The following MBD5 variants were observed in gnomAD, a reference collection of about 807,000 sequenced individuals.
MBD5 encodes the protein methyl-CpG binding domain protein 5.
In MBD5, 13 loss-of-function variants were observed where a neutral mutation model predicts 117.3. The observed-to-expected ratio is 0.11, with a 90% CI of 0.07 to 0.18. The LOEUF (loss-of-function observed/expected upper bound fraction) is 0.18. Among genes scored for constraint, MBD5 ranks in the 10% least tolerant of loss-of-function variants. The probability of loss-of-function intolerance (pLI) is 1.00; values close to 1 mark genes in which losing one functional copy is unlikely to be tolerated. For synonymous variants in MBD5, 727 were observed against 766.4 expected (o/e 0.95, Z 0.85); for missense variants, 1,879 against 2,093.8 (o/e 0.90, Z 2.00).
At chr2:148,117,505 T>C (rs1696668842) in intron 1 of MBD5, among the ~76,000 whole-genome samples, 1 of 152,184 alleles carries the variant, frequency 6.6e-6, no homozygotes. Context: ...TGCATAGATA[T>C]TGTATAGAAA....
intron 2 of MBD5, among the ~76,000 whole-genome samples, chr2:148,225,004 T>A (rs1219387470): frequency 1.3e-5 from 2 of 152,076 alleles, no homozygotes; most frequent in Non-Finnish European, 2.9e-5. Flanking sequence ...GGTCTTGTCT[T>A]TTTTTTGTAT....
chr2:148,299,128 A>G (rs1037832430), intron 3 of MBD5, among the ~76,000 whole-genome samples: 16 of 150,370 alleles, frequency 1.1e-4, no homozygotes, highest in Admixed American at 2.7e-4. Context: ...CTGTTTAAAG[A>G]ACTTTCTTTT....
At chr2:148,256,466 A>C (rs1209859417) in intron 3 of MBD5, among the ~76,000 whole-genome samples, 7 of 152,192 alleles carry the variant, frequency 4.6e-5, no homozygotes, top group Admixed American at 4.6e-4. Context: ...CTTGACCCCA[A>C]ATGGGTTGGT....
rs866849079 is a variant in MBD5, at chr2:148,117,189, G to A, written c.-924-61511G>A. Among the ~76,000 whole-genome samples the A allele has an allele frequency of 2.0e-5, 3 of 151,860 alleles. No homozygotes were observed. The South Asian group carries it at 6.2e-4, about 32-fold the overall frequency. ...AAAGCAATTACCCATAAGAGAAGCTGAAAAAAGGCATCTCTAGAATGTGGA... is the reference window on the plus strand; with the variant it reads ...AAAGCAATTACCCATAAGAGAAGCTAAAAAAAGGCATCTCTAGAATGTGGA... On this transcript the variant is annotated intron_variant, in intron 1 of 13. Transcript: ENST00000642680.
chr2:148,117,332 A>T (rs1399339218), intron 1 of MBD5, among the ~76,000 whole-genome samples: 2 of 152,076 alleles, frequency 1.3e-5, no homozygotes, highest in Non-Finnish European at 2.9e-5. Flanking sequence ...CAATAAAAAA[A>T]AAAAATGGAG....
At chr2:148,076,561 G>A (rs1695515653) in intron 1 of MBD5, among the ~76,000 whole-genome samples, 2 of 152,136 alleles carry the variant, frequency 1.3e-5, no homozygotes, top group South Asian at 4.1e-4. Flanking sequence ...AAATGTTCCA[G>A]CTTAGAAGTC....
At chr2:148,160,511 A>G (rs1326062983) in intron 1 of MBD5, among the ~76,000 whole-genome samples, 2 of 152,188 alleles carry the variant, frequency 1.3e-5, no homozygotes, top group Admixed American at 6.5e-5. Flanking sequence ...ATTATGTGCT[A>G]TAAAGAACAA....
chr2:148,329,150 A>T (rs1240385042), intron 3 of MBD5, among the ~76,000 whole-genome samples: 1 of 152,230 alleles, frequency 6.6e-6, no homozygotes, highest in Non-Finnish European at 1.5e-5. Context: ...ACCTGGAGAT[A>T]AAACCAAGGA....
intron 1 of MBD5, among the ~76,000 whole-genome samples, chr2:148,081,099 G>A (rs1358789328): frequency 6.6e-6 from 1 of 152,118 alleles, no homozygotes; most frequent in Non-Finnish European, 1.5e-5. Flanking sequence ...TTCAGCATAA[G>A]AACCAGCTCA....
At chr2:148,133,974 GA>G (rs1306482930) in intron 1 of MBD5, among the ~76,000 whole-genome samples, 2 of 151,992 alleles carry the variant, frequency 1.3e-5, no homozygotes, top group Non-Finnish European at 2.9e-5. Context: ...ATTATATCAT[GA>G]AAATTTATTT....
At chr2:148,325,765 G>A (rs868025744) in intron 3 of MBD5, among the ~76,000 whole-genome samples, 6 of 151,450 alleles carry the variant, frequency 4.0e-5, no homozygotes, top group Admixed American at 6.6e-5. Context: ...TATCAATTTT[G>A]TTGATCCTTT....
Position 148,489,321 on chromosome 2 carries a change from T to TC in MBD5, c.3754-64dup, listed in dbSNP as rs1424132887. 54 of 1,587,900 alleles carry TC rather than the reference T, an allele frequency of 3.4e-5. No homozygotes were observed. In the Middle Eastern group the frequency reaches 3.5e-3, roughly 102 times the overall value. On this transcript the variant is annotated intron_variant, in intron 10 of 13. Coordinates refer to ENST00000642680, the MANE Select transcript of MBD5 (RefSeq NM_001378120.1). ...CTTTTGGTAAATTTTAAAATTATAG[T>TC]CTTTCTCTTTGAGGCCTCAAAATTA...
chr2:148,483,514 G>T lies in MBD5; in HGVS notation c.2923G>T (p.Asp975Tyr), dbSNP rs1339139023. 3.7e-6 allele frequency: 6 copies of T among 1,611,102 alleles called. No individual in the cohort carries two copies. The highest frequency in any genetic ancestry group is 5.1e-6 in the Non-Finnish European group (6 of 1,178,348). The change falls in exon 9 of 14, where the codon GAC (aspartate) becomes TAC (tyrosine). Residue 975 changes from aspartate (D) to tyrosine (Y), a missense_variant. Physicochemically the swap from Asp to Tyr is radical, Grantham distance 160. This residue lies in a region of MBD5 where 1,666 missense variants were observed against 1,792.2 expected (regional missense o/e 0.93). Transcript: ENST00000642680. ...CGCTGCTTTAGCTTTTCTCTCCAGT[G>T]ACATGGATGGGCAGGTATTGCAGCC... Reference protein sequence around the residue: ...VNAALAFLSSDMDGQVLQPVH... With the variant: ...VNAALAFLSSYMDGQVLQPVH...
At chr2:148,363,725 C>T (rs2105321213) in intron 4 of MBD5, among the ~76,000 whole-genome samples, 1 of 151,966 alleles carries the variant, frequency 6.6e-6, no homozygotes, top group African/African-American at 2.4e-5. Flanking sequence ...CTGAATCAAT[C>T]AAGCGGAAAA....
At chr2:148,246,029 GTTA>G (rs1213563784) in intron 3 of MBD5, among the ~76,000 whole-genome samples, 1 of 152,166 alleles carries the variant, frequency 6.6e-6, no homozygotes, top group East Asian at 1.9e-4. Flanking sequence ...GTTTCATGTA[GTTA>G]TTATTGGCAA....
intron 1 of MBD5, among the ~76,000 whole-genome samples, chr2:148,135,899 C>T (rs1360745600): frequency 6.6e-6 from 1 of 152,108 alleles, no homozygotes; most frequent in Admixed American, 6.5e-5. Flanking sequence ...AGGCGAAGAC[C>T]TCTCGGGGCC....
In MBD5 at chr2:148,325,587, T is replaced by C. The variant is rs546892180; in HGVS notation, c.-679-16627T>C. On this transcript the variant is annotated intron_variant, in intron 3 of 13. Coordinates refer to ENST00000642680, the MANE Select transcript of MBD5 (RefSeq NM_001378120.1). ...GGGAGAGTGTATGTGTCGAGGAATT[T>C]ATCCATTTCTTCTAGATTTTCTAGT... 4.6e-5 allele frequency among the ~76,000 whole-genome samples: 7 copies of C among 152,342 alleles called. No individual in the cohort carries two copies. In the South Asian group the frequency reaches 1.5e-3, roughly 32 times the overall value.
At chr2:148,321,983 T>G (rs1702294523) in intron 3 of MBD5, among the ~76,000 whole-genome samples, 1 of 152,226 alleles carries the variant, frequency 6.6e-6, no homozygotes, top group Admixed American at 6.5e-5. Flanking sequence ...CATTCTCACT[T>G]TGCATTTATT....
chr2:148,229,581 G>A lies in MBD5; in HGVS notation c.-830-3664G>A, dbSNP rs373614877. ...TGTTCTTTGATGTCTGGGCATTTAA[G>A]GGTTAGGTATTTATTATAGTCTTCA... On this transcript the variant is annotated intron_variant, in intron 2 of 13. Coordinates refer to ENST00000642680, the MANE Select transcript of MBD5 (RefSeq NM_001378120.1). Among the ~76,000 whole-genome samples, 4 of 152,246 alleles carry A rather than the reference G, an allele frequency of 2.6e-5. 1 individual carries two copies. Among genetic ancestry groups the A allele is most frequent in the African/African-American group, 9.6e-5 (4 of 41,548 alleles).
Sources: gnomAD v4.1 joint callset for allele counts (sites outside exome capture counted in the v4.1 genomes callset) on GRCh38, gnomAD v4.1.1 for gene constraint, gnomAD v4.1.1 regional missense constraint, MANE v1.5 for transcripts, NCBI Gene and HGNC (gene_info 2026-07-23, HGNC 2026-07-21) for gene names.